Variants in DNAH8 observed in about 807,000 individuals in gnomAD.
DNAH8 encodes dynein axonemal heavy chain 8, also known as axonemal beta dynein heavy chain 8.
Under a neutral mutation model 562.1 loss-of-function variants are expected in DNAH8, and 382 were observed. That is an observed-to-expected ratio of 0.68 (90% CI 0.63 to 0.74). DNAH8 has a LOEUF of 0.74. DNAH8 is among the 30% of genes least tolerant of loss of function. The pLI is 0.00. For synonymous variants in DNAH8, 1,881 were observed against 1,919.4 expected, an observed-to-expected ratio of 0.98 and a Z score of 0.52; for missense variants, 5,203 against 5,620.4, an observed-to-expected ratio of 0.93 and a Z score of 2.37.
At chr6:39,000,255 T>C (rs1383054704) in intron 88 of DNAH8, among the ~76,000 whole-genome samples, 1 of 152,164 alleles carries the variant, frequency 6.6e-6, no homozygotes, top group African/African-American at 2.4e-5. Flanking sequence ...TATGGTAAAC[T>C]CTAAAATCAG....
rs1263414545 is a variant in DNAH8 at position 38,921,413 on chromosome 6, TGAGTTAGGGAAGGCACAA to T, written c.10571_10588del (p.Glu3524_Gln3529del). The T allele has an allele frequency of 6.2e-7, 1 of 1,613,706 alleles. No homozygotes were observed. The highest frequency in any genetic ancestry group is 8.5e-7 in the Non-Finnish European group (1 of 1,179,860). On this transcript the variant is annotated inframe_deletion, in exon 71 of 93. Transcript: ENST00000327475. ...AAGGCCGGTTAGCAGTTGCTAATGC[TGAGTTAGGGAAGGCACAA>T]GCCCTGCTGGATGAGAAGCAAGCTG...
chr6:39,026,812 G>A (rs1002239635), intron 92 of DNAH8, 145 bp downstream of exon 92: 2 of 776,906 alleles, frequency 2.6e-6, no homozygotes, highest in Non-Finnish European at 4.0e-6. Flanking sequence ...GAAGACATCA[G>A]TGCCAAAGCC....
In DNAH8 at chr6:38,839,446, G is replaced by A. The variant is rs914156638; in HGVS notation, c.4466+1404G>A. Reference sequence around the variant, plus strand: ...GTAGTGGTGGAATCACTCGACTTCCGTAGTTCAAGTGATCCTCCTGCCTCA... The same window carrying A: ...GTAGTGGTGGAATCACTCGACTTCCATAGTTCAAGTGATCCTCCTGCCTCA... On this transcript the variant is annotated intron_variant, in intron 33 of 92. Transcript: ENST00000327475. Among the ~76,000 whole-genome samples, 5 of 151,146 alleles carry A rather than the reference G, an allele frequency of 3.3e-5. No homozygotes were observed. In the South Asian group the frequency reaches 6.3e-4, roughly 19 times the overall value.
chr6:38,887,034 G>C (rs750354956), intron 57 of DNAH8, 30 bp downstream of exon 57: 3 of 1,461,704 alleles, frequency 2.1e-6, no homozygotes. Flanking sequence ...TTATTTTATT[G>C]CATTACATAA....
intron 12 of DNAH8, among the ~76,000 whole-genome samples, chr6:38,771,449 AGTGTATTAACAGGGTTGT>A (rs1236193324): frequency 2.0e-5 from 3 of 152,216 alleles, no homozygotes; most frequent in Non-Finnish European, 4.4e-5. Context: ...AATGTTTTCT[AGTGTATTAACAGGGTTGT>A]GCAATCATTA....
At chr6:38,909,196 C>A (rs1038708579) in intron 64 of DNAH8, among the ~76,000 whole-genome samples, 1 of 152,190 alleles carries the variant, frequency 6.6e-6, no homozygotes, top group Non-Finnish European at 1.5e-5. Context: ...ACTGTTCCTG[C>A]AGCTGTTCTC....
Position 38,951,460 on chromosome 6 carries a change from C to T in DNAH8, c.12391C>T (p.Leu4131=). ...SDTRTPLICF[L]SMGSDPTNQI... is the part of the protein sequence containing the mutation. ...TACCCGGACACCTCTGATATGCTTC[C>T]TGTCCATGGGATCTGACCCCACCAA... Residue 4131 remains leucine, a synonymous_variant, in exon 82 of 93, where the codon CTG becomes TTG. Coordinates refer to ENST00000327475, the MANE Select transcript of DNAH8 (RefSeq NM_001206927.2). The T allele has an allele frequency of 1.2e-6, 2 of 1,614,136 alleles. No individual in the cohort carries two copies. The highest frequency in any genetic ancestry group is 1.3e-5 in the African/African-American group (1 of 75,036).
chr6:38,813,351 G>A (rs1771969020), intron 24 of DNAH8, among the ~76,000 whole-genome samples: 1 of 152,102 alleles, frequency 6.6e-6, no homozygotes, highest in Non-Finnish European at 1.5e-5. Flanking sequence ...AGTGCTAAAA[G>A]TTGGGTCTTC....
At chr6:38,735,830 C>G (rs1764040327) in intron 5 of DNAH8, among the ~76,000 whole-genome samples, 1 of 152,128 alleles carries the variant, frequency 6.6e-6, no homozygotes, top group Non-Finnish European at 1.5e-5. Flanking sequence ...TCAGACTGCT[C>G]CTTTTGTCAG....
intron 11 of DNAH8, among the ~76,000 whole-genome samples, chr6:38,770,174 T>C (rs903681795): frequency 1.3e-5 from 2 of 151,982 alleles, no homozygotes; most frequent in African/African-American, 4.8e-5. Context: ...CTAATTGTCA[T>C]GAAAATGTAA....
At chr6:39,002,469 G>A (rs942048693) in intron 88 of DNAH8, among the ~76,000 whole-genome samples, 9 of 151,882 alleles carry the variant, frequency 5.9e-5, no homozygotes, top group African/African-American at 1.9e-4. Flanking sequence ...TTTCTTATAC[G>A]GTACTTTATA....
chr6:38,873,175 C>T (rs890963774), intron 51 of DNAH8, 28 bp downstream of exon 51: 21 of 1,612,882 alleles, frequency 1.3e-5, no homozygotes, highest in African/African-American at 2.7e-5. Flanking sequence ...GAAGAAGAAC[C>T]CTCAGAGTCT....
Position 38,875,503 on chromosome 6 carries a change from C to T in DNAH8, c.7621-88C>T, listed in dbSNP as rs77031115. 0.44 allele frequency: 343,806 copies of T among 790,212 alleles called. 79,404 individuals are homozygous for T. The highest frequency in any genetic ancestry group is 0.81 in the East Asian group (28,468 of 34,936). 49.0% of individuals were successfully genotyped at this position (790,212 alleles called of 1,614,324 possible). ...GATATATCTATTTTTCTTCTCTCTTCCTTCCTCCTTTTAATTTTACTATTA... is the reference window on the plus strand; with the variant it reads ...GATATATCTATTTTTCTTCTCTCTTTCTTCCTCCTTTTAATTTTACTATTA... On this transcript the variant is annotated intron_variant, in intron 52 of 92. Coordinates refer to ENST00000327475, the MANE Select transcript of DNAH8 (RefSeq NM_001206927.2).
intron 35 of DNAH8, among the ~76,000 whole-genome samples, chr6:38,844,314 T>C (rs1025499248): frequency 6.6e-6 from 1 of 152,210 alleles, no homozygotes; most frequent in African/African-American, 2.4e-5. Flanking sequence ...AGTCTGGCTC[T>C]GTTTGCTTTT....
At chr6:38,839,377 T>G (rs969813861) in intron 33 of DNAH8, among the ~76,000 whole-genome samples, 1 of 151,522 alleles carries the variant, frequency 6.6e-6, no homozygotes, top group Non-Finnish European at 1.5e-5. Context: ...TTTGTTTTGT[T>G]TTTTTTTTGA....
intron 8 of DNAH8, among the ~76,000 whole-genome samples, chr6:38,749,960 G>A (rs1765290068): frequency 6.6e-6 from 1 of 152,218 alleles, no homozygotes; most frequent in Non-Finnish European, 1.5e-5. Context: ...AGCCTCCTGA[G>A]TAGCTGGGCC....
intron 17 of DNAH8, among the ~76,000 whole-genome samples, chr6:38,784,396 T>G (rs768577904): frequency 6.6e-5 from 10 of 152,178 alleles, no homozygotes; most frequent in Non-Finnish European, 1.3e-4. Context: ...CCAATACCCT[T>G]TCTCTTATCT....
chr6:38,734,299 G>A (rs1416449577), intron 4 of DNAH8, among the ~76,000 whole-genome samples, 175 bp from the exon 5 acceptor site: 2 of 110,980 alleles, frequency 1.8e-5, no homozygotes, highest in Admixed American at 9.1e-5. Context: ...AAAAAAAAAA[G>A]ATGTAATTAT....
At chr6:38,921,309 C>T (rs1781685643) in intron 70 of DNAH8, 60 bp from the exon 71 acceptor site, 2 of 1,562,338 alleles carry the variant, frequency 1.3e-6, no homozygotes, top group Non-Finnish European at 1.7e-6. Flanking sequence ...TGTTATCTAC[C>T]AGTTACAATC....
Sources: allele counts gnomAD v4.1 joint callset (sites outside exome capture counted in the v4.1 genomes callset), GRCh38; gene constraint gnomAD v4.1.1; transcripts MANE v1.5; gene names NCBI Gene and HGNC (gene_info 2026-07-23, HGNC 2026-07-21).